Variants in FAM114A2 observed in about 807,000 individuals in gnomAD.
FAM114A2 encodes the protein family with sequence similarity 114 member A2.
Under a neutral mutation model 58.4 loss-of-function variants are expected in FAM114A2, and 53 were observed. The observed-to-expected ratio is 0.91, with a 90% CI of 0.73 to 1.14. The LOEUF is 1.14. Ranked by LOEUF, FAM114A2 falls within the 50% of genes most tolerant of loss-of-function variation. The probability of loss-of-function intolerance (pLI) is 0.00; values close to 1 mark genes in which losing one functional copy is unlikely to be tolerated. For missense variants in FAM114A2, 601 were observed against 581.1 expected (o/e 1.03, Z -0.35); for synonymous variants, 228 against 211.4 (o/e 1.08, Z -0.68).
Position 154,029,510 on chromosome 5 carries a change from G to T in FAM114A2, c.474C>A (p.Ile158=). The change falls in exon 5 of 14, where the codon ATC becomes ATA. Residue 158 remains isoleucine (I), a synonymous_variant. Transcript: ENST00000351797. The part of the protein sequence containing the change: ...VAGAFGVFST[I]STAVQSTGKS... Reference sequence around the variant, plus strand: ...TTACTGTGCTCTGAACAGCAGTAGAGATGGTAGAGAATACACCAAATGCCC... The same window carrying T: ...TTACTGTGCTCTGAACAGCAGTAGATATGGTAGAGAATACACCAAATGCCC... The T allele has an allele frequency of 6.2e-7, 1 of 1,606,546 alleles. No individual in the cohort carries two copies. Among genetic ancestry groups the T allele is most frequent in the Non-Finnish European group, 8.5e-7 (1 of 1,173,620 alleles).
chr5:154,002,266 C>A lies in FAM114A2; in HGVS notation c.1241G>T (p.Ser414Ile). The change falls in exon 11 of 14, where the codon AGC (serine) becomes ATC (isoleucine). Residue 414 changes from serine to isoleucine, a missense_variant. Physicochemically the swap from Ser to Ile is moderately radical, Grantham distance 142 (BLOSUM62 -2). Transcript: ENST00000351797. ...RKQEVTAIER[S>I]QTLSQMTIVL... ...TTACACTTACTGGGAAAGAGTTTGG[C>A]TCCTTTCTATGGCTGTCACTTCCTG... 6.2e-7 allele frequency: 1 copy of A among 1,613,840 alleles called. No homozygotes were observed. The highest frequency in any genetic ancestry group is 8.5e-7 in the Non-Finnish European group (1 of 1,179,746).
At chr5:154,006,203 C>T (rs111641012) in intron 9 of FAM114A2, among the ~76,000 whole-genome samples, 4 of 152,164 alleles carry the variant, frequency 2.6e-5, no homozygotes, top group Admixed American at 2.0e-4. Context: ...TTTACTCATT[C>T]ATTTATTGCA....
chr5:154,026,367 C>G, intron 8 of FAM114A2, 32 bp downstream of exon 8: 2 of 1,496,340 alleles, frequency 1.3e-6, no homozygotes, highest in Non-Finnish European at 1.8e-6. Flanking sequence ...ACACTGCATC[C>G]TCTCCACTCA....
At chr5:154,004,237 G>A (rs1770200367) in intron 9 of FAM114A2, among the ~76,000 whole-genome samples, 1 of 152,038 alleles carries the variant, frequency 6.6e-6, no homozygotes, top group Non-Finnish European at 1.5e-5. Context: ...TTTGGTTTTT[G>A]TAACCCCAAC....
intron 11 of FAM114A2, among the ~76,000 whole-genome samples, chr5:153,999,262 T>C (rs1278521559): frequency 1.3e-5 from 2 of 152,146 alleles, no homozygotes; most frequent in African/African-American, 2.4e-5. Flanking sequence ...ATCACTGATG[T>C]ATCAATCATC....
chr5:153,993,074 GA>G lies in FAM114A2; in HGVS notation c.1419del (p.Gln474SerfsTer7). The G allele has an allele frequency of 6.2e-7, 1 of 1,612,750 alleles. No homozygotes were observed. Among genetic ancestry groups the G allele is most frequent in the East Asian group, 2.2e-5 (1 of 44,846 alleles). The stretch of plus-strand genomic sequence containing the variant: ...ATCTCTAGCACAGGTAAGAGTAGCT[GA>G]AAGGCGTCCTGGATGTAGGAGGCAC... ...SNSASYIQDA[F>X]QLLLPVLEIS... On this transcript the variant is annotated frameshift_variant, in exon 14 of 14. Transcript: ENST00000351797. LOFTEE classifies it high-confidence loss of function.
chr5:154,016,162 A>G (rs761153579), intron 8 of FAM114A2, among the ~76,000 whole-genome samples: 1 of 152,238 alleles, frequency 6.6e-6, no homozygotes, highest in Non-Finnish European at 1.5e-5. Flanking sequence ...TTTCTGAAGA[A>G]GAGAAATGTA....
At chr5:154,034,402 CA>C in intron 2 of FAM114A2, 25 bp from the exon 3 acceptor site, 1 of 1,411,034 alleles carries the variant, frequency 7.1e-7, no homozygotes, top group Non-Finnish European at 9.7e-7. Flanking sequence ...GGCAGAAAAA[CA>C]AAAGGCAAAG....
chr5:154,017,517 T>G (rs991435762), intron 8 of FAM114A2, among the ~76,000 whole-genome samples: 7 of 152,170 alleles, frequency 4.6e-5, no homozygotes, highest in Non-Finnish European at 8.8e-5. Context: ...AACACCCCAC[T>G]GACAACACTT....
At chr5:154,018,318 G>T (rs534279278) in intron 8 of FAM114A2, among the ~76,000 whole-genome samples, 2 of 152,034 alleles carry the variant, frequency 1.3e-5, no homozygotes, top group Non-Finnish European at 2.9e-5. Context: ...AGAGGAGACG[G>T]ATAAATTTCT....
At chr5:154,003,668 C>T (rs1373699140) in intron 9 of FAM114A2, among the ~76,000 whole-genome samples, 1 of 152,162 alleles carries the variant, frequency 6.6e-6, no homozygotes, top group Non-Finnish European at 1.5e-5. Context: ...ATGTCCCCCT[C>T]CTCCTGCCCA....
At chr5:154,028,031 T>G (rs541018198) in intron 6 of FAM114A2, 118 bp downstream of exon 6, 5 of 926,066 alleles carry the variant, frequency 5.4e-6, no homozygotes, top group African/African-American at 1.7e-5. Context: ...AAAAAACGCC[T>G]GAATAAACAT....
Position 154,020,334 on chromosome 5 carries a change from C to G in FAM114A2, c.913+6065G>C, listed in dbSNP as rs375100390. On this transcript the variant is annotated intron_variant, in intron 8 of 13. Coordinates refer to ENST00000351797, the MANE Select transcript of FAM114A2 (RefSeq NM_018691.4). ...TGAAGGAGATAGAGACACAAAAAAA[C>G]CCTTCAAAAAATCAATGAATCCAGG... 1.0e-4 allele frequency among the ~76,000 whole-genome samples: 15 copies of G among 144,442 alleles called. 1 individual carries two copies. In the South Asian group the frequency reaches 3.4e-3, roughly 32 times the overall value. 94.8% of individuals were successfully genotyped at this position (144,442 alleles called of 152,430 possible).
At chr5:154,031,203 T>C (rs1031034894) in intron 4 of FAM114A2, among the ~76,000 whole-genome samples, 1 of 148,392 alleles carries the variant, frequency 6.7e-6, no homozygotes, top group African/African-American at 2.5e-5. Flanking sequence ...TCCCAGCTAT[T>C]TGGGAGGCTG....
At chr5:154,026,330 T>C (rs577786001) in intron 8 of FAM114A2, 69 bp downstream of exon 8, 3 of 1,186,150 alleles carry the variant, frequency 2.5e-6, no homozygotes, top group Non-Finnish European at 3.4e-6. Flanking sequence ...AATAATTTAT[T>C]TCAAGGGCAA....
intron 4 of FAM114A2, among the ~76,000 whole-genome samples, chr5:154,030,552 T>C (rs1005699047): frequency 1.3e-5 from 2 of 152,216 alleles, no homozygotes; most frequent in African/African-American, 2.4e-5. Flanking sequence ...GCTTTCTGTA[T>C]AGAGGAGCTT....
Position 154,034,292 on chromosome 5 carries a change from G to A in FAM114A2, c.296C>T (p.Thr99Ile), listed in dbSNP as rs1220150846. Reference protein sequence around the residue: ...GKSILSSASATVATVGQGISN... With the variant: ...GKSILSSASAIVATVGQGISN... ...GATGATCTTACCTACTGTAGCTACTGTAGCCGAGGCTGAGGAGAGTATGGA... is the reference window on the plus strand; with the variant it reads ...GATGATCTTACCTACTGTAGCTACTATAGCCGAGGCTGAGGAGAGTATGGA... Residue 99 changes from threonine (T) to isoleucine (I), a missense_variant, in exon 3 of 14, where the codon ACA (threonine) becomes ATA (isoleucine). Thr to Ile is a moderately conservative substitution (Grantham distance 89). Transcript: ENST00000351797. 1.9e-6 allele frequency: 3 copies of A among 1,584,414 alleles called. No homozygotes were observed. Among genetic ancestry groups the A allele is most frequent in the East Asian group, 4.5e-5 (2 of 44,084 alleles).
intron 11 of FAM114A2, among the ~76,000 whole-genome samples, chr5:153,999,210 A>C (rs1363398925): frequency 6.6e-6 from 1 of 152,244 alleles, no homozygotes; most frequent in East Asian, 1.9e-4. Context: ...TCTCAAAAGA[A>C]GACATACAAA....
chr5:154,036,096 TA>T (rs1581846700), intron 1 of FAM114A2: 4 of 152,194 alleles, frequency 2.6e-5, no homozygotes. Context: ...GGTTTGCAAA[TA>T]TTTTTTTCCA....
Sources: gnomAD v4.1 joint callset for allele counts (sites outside exome capture counted in the v4.1 genomes callset) on GRCh38, gnomAD v4.1.1 for gene constraint, MANE v1.5 for transcripts, NCBI Gene and HGNC (gene_info 2026-07-23, HGNC 2026-07-21) for gene names.